The following TMTC2 variants were observed in gnomAD, a reference collection of about 807,000 sequenced individuals.
TMTC2 encodes protein O-mannosyl-transferase TMTC2.
TMTC2 carries 43 observed loss-of-function variants against 82.4 expected under a neutral mutation model. That is an observed-to-expected ratio of 0.52 (90% CI 0.41 to 0.67). The LOEUF is 0.67. Ranked by LOEUF, TMTC2 falls within the 30% of genes least tolerant of loss-of-function variation. TMTC2 has a pLI of 0.00. For synonymous variants in TMTC2, 408 were observed against 381.9 expected, an observed-to-expected ratio of 1.07 and a Z score of -0.80; for missense variants, 919 against 1,012.4, an observed-to-expected ratio of 0.91 and a Z score of 1.25.
chr12:82,963,834 T>TATATTTCTCAC (rs1555201361), intron 4 of TMTC2, among the ~76,000 whole-genome samples: 5 of 104,234 alleles, frequency 4.8e-5, no homozygotes, highest in African/African-American at 2.8e-4. Context: ...TATATATATA[T>TATATTTCTCAC]ATATATATAT....
intron 8 of TMTC2, among the ~76,000 whole-genome samples, chr12:83,023,406 T>C (rs575120595): frequency 1.3e-5 from 2 of 152,350 alleles, no homozygotes; most frequent in South Asian, 2.1e-4. Context: ...CTTCTTTATC[T>C]TGGAGTGAAA....
intron 10 of TMTC2, among the ~76,000 whole-genome samples, chr12:83,053,382 C>T (rs1212122507): frequency 6.6e-6 from 1 of 152,018 alleles, no homozygotes; most frequent in Non-Finnish European, 1.5e-5. Context: ...AAGTGGTTTA[C>T]CCACTATCCC....
intron 11 of TMTC2, among the ~76,000 whole-genome samples, chr12:83,117,502 T>A (rs1324702652): frequency 6.6e-6 from 1 of 152,036 alleles, no homozygotes; most frequent in Non-Finnish European, 1.5e-5. Flanking sequence ...TTATTCTGTT[T>A]CATTGATCTA....
Position 82,775,886 on chromosome 12 carries a change from T to C in TMTC2, c.84-81124T>C, listed in dbSNP as rs867629484. 1.3e-4 allele frequency among the ~76,000 whole-genome samples: 20 copies of C among 152,230 alleles called. 2 individuals are homozygous for C. The highest frequency in any genetic ancestry group is 4.1e-4 in the African/African-American group (17 of 41,564). The stretch of plus-strand genomic sequence containing the variant: ...GATTTTTTCTCTGACACATTTATAA[T>C]TTTTTAGTTTCTTTAGTCTCTAGTT... On this transcript the variant is annotated intron_variant, in intron 1 of 11. Transcript: ENST00000321196.
intron 7 of TMTC2, among the ~76,000 whole-genome samples, chr12:82,981,198 G>A (rs1878899839): frequency 6.6e-6 from 1 of 151,762 alleles, no homozygotes. Context: ...TGGTCACATA[G>A]GTTTCTTTAA....
At chr12:82,874,747 A>G (rs1021122720) in intron 2 of TMTC2, among the ~76,000 whole-genome samples, 26 of 152,062 alleles carry the variant, frequency 1.7e-4, no homozygotes, top group Non-Finnish European at 3.5e-4. Flanking sequence ...CCACTTTCTA[A>G]TTCTTAACAA....
chr12:82,957,839 A>C (rs1248352875), intron 4 of TMTC2, among the ~76,000 whole-genome samples: 1 of 152,092 alleles, frequency 6.6e-6, no homozygotes, highest in Non-Finnish European at 1.5e-5. Flanking sequence ...ACTAATACTG[A>C]CTTTGGAAAC....
intron 2 of TMTC2, among the ~76,000 whole-genome samples, chr12:82,892,354 A>G (rs1368697751): frequency 6.6e-6 from 1 of 152,160 alleles, no homozygotes; most frequent in African/African-American, 2.4e-5. Flanking sequence ...AGTTTTCATT[A>G]TTCATATCTT....
intron 1 of TMTC2, among the ~76,000 whole-genome samples, chr12:82,748,290 G>A (rs549661824): frequency 4.6e-5 from 7 of 152,106 alleles, no homozygotes; most frequent in African/African-American, 9.6e-5. Context: ...CAGCGTGGGC[G>A]ACAGAGTGTG....
At chr12:82,924,225 A>G (rs781739029) in intron 3 of TMTC2, among the ~76,000 whole-genome samples, 49 of 152,238 alleles carry the variant, frequency 3.2e-4, no homozygotes, top group Non-Finnish European at 5.4e-4. Flanking sequence ...ATCTCATTAT[A>G]TGACCTATTA....
intron 2 of TMTC2, among the ~76,000 whole-genome samples, chr12:82,862,498 T>G (rs1013959151): frequency 6.6e-6 from 1 of 152,156 alleles, no homozygotes; most frequent in Non-Finnish European, 1.5e-5. Flanking sequence ...GCCCTTTTAG[T>G]TTGATGTTTT....
At chr12:82,832,213 A>G (rs1869787036) in intron 1 of TMTC2, among the ~76,000 whole-genome samples, 1 of 151,976 alleles carries the variant, frequency 6.6e-6, no homozygotes, top group African/African-American at 2.4e-5. Context: ...AGCTGAATTC[A>G]TTTGGCTGTG....
chr12:82,715,614 G>A (rs769429525), intron 1 of TMTC2, among the ~76,000 whole-genome samples: 1 of 152,186 alleles, frequency 6.6e-6, no homozygotes, highest in Non-Finnish European at 1.5e-5. Flanking sequence ...GAAGCAACCA[G>A]AGGTAGTTCT....
intron 2 of TMTC2, among the ~76,000 whole-genome samples, chr12:82,864,565 A>G (rs1163904359): frequency 7.1e-6 from 1 of 141,024 alleles, no homozygotes. Context: ...GCAGTGGCGC[A>G]ATCTTGGCTC....
chr12:82,811,020 A>G lies in TMTC2; in HGVS notation c.84-45990A>G, dbSNP rs1226880297. Among the ~76,000 whole-genome samples, 4 of 152,188 alleles carry G rather than the reference A, an allele frequency of 2.6e-5. No individual in the cohort carries two copies. In the South Asian group the frequency reaches 6.2e-4, roughly 24 times the overall value. ...TGAGGCAGGTGGATCACTTGAGGTC[A>G]GGAGATCGAGACCATCCTGGCTAAC... On this transcript the variant is annotated intron_variant, in intron 1 of 11. Coordinates refer to ENST00000321196, the MANE Select transcript of TMTC2 (RefSeq NM_152588.3).
At chr12:82,924,736 T>G (rs752254188) in intron 3 of TMTC2, among the ~76,000 whole-genome samples, 14 of 152,206 alleles carry the variant, frequency 9.2e-5, no homozygotes, top group Non-Finnish European at 1.8e-4. Flanking sequence ...CCATCTAGAT[T>G]ACCGCAGTTG....
intron 1 of TMTC2, among the ~76,000 whole-genome samples, chr12:82,853,432 T>C (rs1185293750): frequency 2.0e-5 from 3 of 152,144 alleles, no homozygotes; most frequent in Non-Finnish European, 2.9e-5. Context: ...GGTAAAATTA[T>C]GAGATGTGTT....
chr12:83,094,995 A>G (rs920134497), intron 11 of TMTC2, among the ~76,000 whole-genome samples: 2 of 152,244 alleles, frequency 1.3e-5, no homozygotes, highest in Non-Finnish European at 2.9e-5. Flanking sequence ...TAGATGCTCT[A>G]AACATAAAGT....
At position 82,843,210 on chromosome 12, in the gene TMTC2, C is replaced by T. The variant is rs552592860; in HGVS notation, c.84-13800C>T. Among the ~76,000 whole-genome samples the T allele has an allele frequency of 2.0e-5, 3 of 152,168 alleles. No individual in the cohort carries two copies. In the South Asian group the frequency reaches 6.2e-4, roughly 32 times the overall value. On this transcript the variant is annotated intron_variant, in intron 1 of 11. Coordinates refer to ENST00000321196, the MANE Select transcript of TMTC2 (RefSeq NM_152588.3). Reference sequence around the variant, plus strand: ...CAAGCGATTCTCCTGTCTCAGCTTCCCAAGTAGCCAGGATTACAGGTGCCC... The same window carrying T: ...CAAGCGATTCTCCTGTCTCAGCTTCTCAAGTAGCCAGGATTACAGGTGCCC...
Sources: gnomAD v4.1 joint callset for allele counts (sites outside exome capture counted in the v4.1 genomes callset) on GRCh38, gnomAD v4.1.1 for gene constraint, MANE v1.5 for transcripts, NCBI Gene and HGNC (gene_info 2026-07-23, HGNC 2026-07-21) for gene names.